The following SH2D7 variants were observed in gnomAD, a reference collection of about 807,000 sequenced individuals.
The protein encoded by SH2D7 is SH2 domain containing 7.
SH2D7 carries 32 observed loss-of-function variants against 40.8 expected under a neutral mutation model. The observed-to-expected ratio is 0.78, with a 90% CI of 0.59 to 1.05. The LOEUF (loss-of-function observed/expected upper bound fraction) is 1.05, where lower values mean the gene tolerates loss of function less well. Among genes scored for constraint, SH2D7 ranks in the 50% least tolerant of loss-of-function variants. The probability of loss-of-function intolerance (pLI) is 0.00; values close to 1 mark genes in which losing one functional copy is unlikely to be tolerated. For synonymous variants in SH2D7, 195 were observed against 221.5 expected, an observed-to-expected ratio of 0.88 and a Z score of 1.06; for missense variants, 559 against 566.6, an observed-to-expected ratio of 0.99 and a Z score of 0.14.
chr15:78,100,767 C>T, intron 4 of SH2D7, 132 bp from the exon 5 acceptor site: 1 of 956,972 alleles, frequency 1.0e-6, no homozygotes. Flanking sequence ...GTCATGTATC[C>T]AACCCTTGCA....
chr15:78,097,980 T>TG lies in SH2D7; in HGVS notation c.318_319insG (p.Tyr107ValfsTer15). On this transcript the variant is annotated frameshift_variant, in exon 3 of 6. Transcript: ENST00000328828. LOFTEE classifies it high-confidence loss of function. ...TCATCAACCAGCTTCGAAACCGGCG[T>TG]TACATCATCTCAGGAGACACCCAGA... 1 of 1,606,992 alleles carries TG rather than the reference T, an allele frequency of 6.2e-7. No homozygotes were observed. The highest frequency in any genetic ancestry group is 1.1e-5 in the South Asian group (1 of 89,976).
At chr15:78,092,787 C>G (rs546606823) in intron 1 of SH2D7, 27 bp downstream of exon 1, 1 of 1,592,066 alleles carries the variant, frequency 6.3e-7, no homozygotes, top group East Asian at 2.3e-5. Context: ...CCACAGGTCC[C>G]TCATAGCCCA....
upstream of SH2D7, among the ~76,000 whole-genome samples, chr15:78,092,325 G>T (rs1202337846): frequency 6.6e-6 from 1 of 152,178 alleles, no homozygotes. Context: ...TTATCTGCTG[G>T]CCAGGAAGCC....
intron 5 of SH2D7, among the ~76,000 whole-genome samples, chr15:78,102,260 A>T (rs2074023091): frequency 6.6e-6 from 1 of 152,170 alleles, no homozygotes; most frequent in South Asian, 2.1e-4. Context: ...AAACAAACAA[A>T]AAACCAAACC....
Position 78,101,372 on chromosome 15 carries a change from C to T in SH2D7, c.1119C>T (p.Thr373=). 1 of 1,613,546 alleles carries T rather than the reference C, an allele frequency of 6.2e-7. No individual in the cohort carries two copies. Among genetic ancestry groups the T allele is most frequent in the South Asian group, 1.1e-5 (1 of 91,040 alleles). Residue 373 remains threonine (T), a synonymous_variant, in exon 5 of 6, where the codon ACC becomes ACT. Coordinates refer to ENST00000328828, the MANE Select transcript of SH2D7 (RefSeq NM_001101404.2). ...ACACACCAGACCAAGAAGGCAGCAC[C>T]TATGAGCAGATCCCAGCTTGCTGGG... The part of the protein sequence containing the change: ...ARDTPDQEGS[T]YEQIPACWGG...
chr15:78,093,000 C>A (rs2073949116), intron 1 of SH2D7, among the ~76,000 whole-genome samples: 1 of 152,050 alleles, frequency 6.6e-6, no homozygotes, highest in East Asian at 1.9e-4. Flanking sequence ...ATGGCTGGGG[C>A]TGCCAGGCTG....
intron 2 of SH2D7, among the ~76,000 whole-genome samples, chr15:78,095,956 T>C (rs566793112): frequency 1.3e-5 from 2 of 152,084 alleles, no homozygotes; most frequent in East Asian, 3.9e-4. Context: ...AATTCTCCTG[T>C]CTCAGCCTCC....
rs934486030 is a variant in SH2D7 at position 78,101,157 on chromosome 15, G to T, written c.904G>T (p.Val302Leu). The T allele has an allele frequency of 2.6e-6, 4 of 1,566,960 alleles. No individual in the cohort carries two copies. In the African/African-American group the frequency reaches 5.5e-5, roughly 21 times the overall value. The change falls in exon 5 of 6, where the codon GTG (valine) becomes TTG (leucine). Residue 302 changes from valine to leucine, a missense_variant. Physicochemically the swap from Val to Leu is conservative, Grantham distance 32. Transcript: ENST00000328828. ...TGGCCTGGGGCCTGTCCTTTCTGGG[G>T]TGAGCCCAGACCAGGGTCCCACAGA... ...PDGLGPVLSG[V>L]SPDQGPTESP...
intron 3 of SH2D7, 124 bp downstream of exon 3, chr15:78,098,218 G>A (rs2073986856): frequency 7.1e-7 from 1 of 1,415,972 alleles, no homozygotes; most frequent in African/African-American, 1.4e-5. Context: ...GGCACTTGGT[G>A]TGGGGTCATG....
intron 2 of SH2D7, among the ~76,000 whole-genome samples, chr15:78,095,161 T>C (rs1313812551): frequency 6.6e-6 from 1 of 152,248 alleles, no homozygotes; most frequent in Non-Finnish European, 1.5e-5. Flanking sequence ...ACCTGCTTCA[T>C]AGGCTTGATG....
chr15:78,100,460 G>A (rs937891408), intron 4 of SH2D7, among the ~76,000 whole-genome samples: 2 of 152,194 alleles, frequency 1.3e-5, no homozygotes, highest in African/African-American at 4.8e-5. Flanking sequence ...CACTTTGGGA[G>A]GCTGAGACGG....
chr15:78,095,091 C>G (rs1253308413), intron 2 of SH2D7, among the ~76,000 whole-genome samples: 1 of 152,234 alleles, frequency 6.6e-6, no homozygotes, highest in African/African-American at 2.4e-5. Flanking sequence ...TTACCTTGAG[C>G]AAGTTACTTT....
chr15:78,094,146 G>A lies in SH2D7; in HGVS notation c.211G>A (p.Gly71Ser). The A allele has an allele frequency of 6.2e-7, 1 of 1,609,350 alleles. No individual in the cohort carries two copies. The highest frequency in any genetic ancestry group is 1.1e-5 in the South Asian group (1 of 89,858). ...TEQLLRDKALGSFLIRLSDRA... is the reference protein window; with the variant it reads ...TEQLLRDKALSSFLIRLSDRA... ...GCAGCTACTCAGGGACAAAGCTCTTGGTTCCTTCCTTATCCGCCTCAGTGA... is the reference window on the plus strand; with the variant it reads ...GCAGCTACTCAGGGACAAAGCTCTTAGTTCCTTCCTTATCCGCCTCAGTGA... Residue 71 changes from glycine to serine, a missense_variant, in exon 2 of 6, where the codon GGT becomes AGT. By Grantham distance (56) the Gly-to-Ser change is moderately conservative. Coordinates refer to ENST00000328828, the MANE Select transcript of SH2D7 (RefSeq NM_001101404.2).
intron 3 of SH2D7, 95 bp downstream of exon 3, chr15:78,098,189 C>G: frequency 6.9e-7 from 1 of 1,459,704 alleles, no homozygotes; most frequent in Non-Finnish European, 9.1e-7. Context: ...CAAGCCCTCC[C>G]TATTTACTAT....
At chr15:78,098,322 A>G (rs2073987418) in intron 3 of SH2D7, 62 bp from the exon 4 acceptor site, 1 of 1,577,308 alleles carries the variant, frequency 6.3e-7, no homozygotes, top group Non-Finnish European at 8.7e-7. Context: ...AGTCTCAGGC[A>G]GGCAGCTGGA....
At chr15:78,097,820 A>T in intron 2 of SH2D7, 109 bp from the exon 3 acceptor site, 1 of 1,414,986 alleles carries the variant, frequency 7.1e-7, no homozygotes, top group Non-Finnish European at 9.6e-7. Flanking sequence ...TCTGTTCTGG[A>T]TCAAGAGCTG....
At chr15:78,102,474 T>C (rs1478452020) in intron 5 of SH2D7, among the ~76,000 whole-genome samples, 1 of 152,126 alleles carries the variant, frequency 6.6e-6, no homozygotes, top group Non-Finnish European at 1.5e-5. Flanking sequence ...CACCCTCTCC[T>C]GCTCAGAACA....
Position 78,104,333 on chromosome 15 carries a change from C to T in SH2D7, c.*818C>T, listed in dbSNP as rs2074035471. The T allele has an allele frequency of 1.3e-5, 2 of 152,368 alleles. No individual in the cohort carries two copies. Among genetic ancestry groups the T allele is most frequent in the South Asian group, 2.1e-4 (1 of 4,830 alleles). The allele number at this position is 152,368 out of a possible 1,614,324, so 9.4% of individuals were successfully genotyped here. A position where few individuals can be genotyped will look rare whatever the true frequency, so the allele number is the denominator to read the frequency against. ...TCTTAGTGACCACTTGGCTATGCAG[C>T]TTTTCCTGAAATATAGGCCTGTAAG... On this transcript the variant is annotated 3_prime_UTR_variant, in exon 6 of 6. Coordinates refer to ENST00000328828, the MANE Select transcript of SH2D7 (RefSeq NM_001101404.2). This position sits in a 1 kb window ranked among gnomAD's most constrained non-coding sequence, Gnocchi z 4.4.
At chr15:78,094,651 C>T (rs2073959562) in intron 2 of SH2D7, among the ~76,000 whole-genome samples, 1 of 152,008 alleles carries the variant, frequency 6.6e-6, no homozygotes, top group Non-Finnish European at 1.5e-5. Flanking sequence ...TGGAGGAATG[C>T]CTGGAAGGGA....
Sources: allele counts gnomAD v4.1 joint callset (sites outside exome capture counted in the v4.1 genomes callset), GRCh38; gene constraint gnomAD v4.1.1; non-coding constraint Gnocchi (gnomAD v3.1); transcripts MANE v1.5; gene names NCBI Gene and HGNC (gene_info 2026-07-23, HGNC 2026-07-21).